Variants in RPH3A observed in about 807,000 individuals in gnomAD.
RPH3A encodes the protein rabphilin-3A.
In RPH3A, 48 loss-of-function variants were observed where a neutral mutation model predicts 102.2. That is an observed-to-expected ratio of 0.47 (90% confidence interval 0.37 to 0.60). The LOEUF (loss-of-function observed/expected upper bound fraction) is 0.60. Ranked by LOEUF, RPH3A falls within the 20% of genes least tolerant of loss-of-function variation. RPH3A has a pLI of 0.00. For missense variants in RPH3A, 781 were observed against 910.1 expected (o/e 0.86, Z 1.83); for synonymous variants, 310 against 324.3 (o/e 0.96, Z 0.47).
chr12:112,772,113 A>G (rs1355568036), intron 1 of RPH3A, among the ~76,000 whole-genome samples: 1 of 152,148 alleles, frequency 6.6e-6, no homozygotes, highest in Non-Finnish European at 1.5e-5. Context: ...AAATTCCTTA[A>G]GCCCTCTCTT....
At chr12:112,786,618 G>A (rs1228972583) in intron 1 of RPH3A, among the ~76,000 whole-genome samples, 1 of 152,212 alleles carries the variant, frequency 6.6e-6, no homozygotes, top group East Asian at 1.9e-4. Flanking sequence ...TCAGGCTAAA[G>A]CTTTGAGCAT....
In RPH3A at chr12:112,869,802, G is replaced by A. The variant is rs1435864912; in HGVS notation, c.649+5G>A. On this transcript the variant is annotated splice_donor_5th_base_variant and intron_variant, in intron 9 of 21. Coordinates refer to ENST00000389385, the MANE Select transcript of RPH3A (RefSeq NM_001143854.2). ...GGGGCCCGGGTCAGAAGACAGGTGG[G>A]TTCTGCTGACTCTGTTTTGTCATTT... is the stretch of plus-strand genomic sequence containing the variant. The A allele has an allele frequency of 6.2e-7, 1 of 1,614,116 alleles. No homozygotes were observed. Among genetic ancestry groups the A allele is most frequent in the East Asian group, 2.2e-5 (1 of 44,878 alleles).
At chr12:112,640,185 C>T (rs543374709) in intron 1 of RPH3A, among the ~76,000 whole-genome samples, 24 of 151,224 alleles carry the variant, frequency 1.6e-4, no homozygotes, top group Middle Eastern at 3.4e-3. Flanking sequence ...ATCAGCCGGG[C>T]GTGGTGGCAC....
chr12:112,878,310 G>A (rs1351196535), intron 13 of RPH3A, among the ~76,000 whole-genome samples: 1 of 152,144 alleles, frequency 6.6e-6, no homozygotes, highest in Non-Finnish European at 1.5e-5. Flanking sequence ...GCATAGATGA[G>A]TCCTCCCAGC....
At chr12:112,603,596 A>G (rs1329708669) in intron 1 of RPH3A, among the ~76,000 whole-genome samples, 3 of 152,262 alleles carry the variant, frequency 2.0e-5, no homozygotes, top group African/African-American at 7.2e-5. Flanking sequence ...TTTCTTAATT[A>G]CTATATTTTG....
At chr12:112,746,637 T>A (rs2040748660) in intron 1 of RPH3A, among the ~76,000 whole-genome samples, 10 of 152,140 alleles carry the variant, frequency 6.6e-5, no homozygotes. Context: ...CGAACATCTG[T>A]CTCTTGTGTA....
intron 1 of RPH3A, among the ~76,000 whole-genome samples, chr12:112,716,504 C>T (rs1463825615): frequency 6.6e-6 from 1 of 152,188 alleles, no homozygotes; most frequent in Non-Finnish European, 1.5e-5. Flanking sequence ...AGGATGGATG[C>T]CTCTGCTATC....
intron 11 of RPH3A, 74 bp downstream of exon 11, chr12:112,875,244 T>TC: frequency 1.7e-6 from 2 of 1,159,058 alleles, no homozygotes; most frequent in Non-Finnish European, 2.4e-6. Flanking sequence ...CCATCCCTGC[T>TC]TGCAGAGCAT....
At chr12:112,776,308 A>AC (rs775068392) in intron 1 of RPH3A, among the ~76,000 whole-genome samples, 2 of 151,012 alleles carry the variant, frequency 1.3e-5, no homozygotes, top group African/African-American at 2.4e-5. Context: ...ACTACAAAAA[A>AC]CCCCCCCATA....
At chr12:112,676,718 G>A (rs780320525) in intron 1 of RPH3A, among the ~76,000 whole-genome samples, 4 of 152,116 alleles carry the variant, frequency 2.6e-5, no homozygotes, top group Admixed American at 6.5e-5. Flanking sequence ...CTTGGAGAAT[G>A]CCAGGCCCGT....
chr12:112,878,045 A>G (rs1333829175), intron 13 of RPH3A, among the ~76,000 whole-genome samples: 1 of 152,200 alleles, frequency 6.6e-6, no homozygotes, highest in Non-Finnish European at 1.5e-5. Flanking sequence ...GGTCAATCAC[A>G]CAGCTGTAGC....
At chr12:112,854,381 T>C (rs1430234726) in intron 5 of RPH3A, among the ~76,000 whole-genome samples, 1 of 152,268 alleles carries the variant, frequency 6.6e-6, no homozygotes, top group Non-Finnish European at 1.5e-5. Context: ...ACAACTCTTA[T>C]TGGCATCATG....
intron 1 of RPH3A, among the ~76,000 whole-genome samples, chr12:112,695,565 C>T (rs372246434): frequency 2.2e-4 from 33 of 152,326 alleles, no homozygotes; most frequent in African/African-American, 7.5e-4. Flanking sequence ...CCTCTGGGTA[C>T]CAGCCTGACT....
intron 3 of RPH3A, among the ~76,000 whole-genome samples, chr12:112,830,883 T>C (rs1255903256): frequency 6.6e-6 from 1 of 152,098 alleles, no homozygotes; most frequent in African/African-American, 2.4e-5. Context: ...CAGATTTTGT[T>C]TCTTTTGTTG....
At chr12:112,727,409 AT>A (rs2040599204) in intron 1 of RPH3A, among the ~76,000 whole-genome samples, 3 of 138,912 alleles carry the variant, frequency 2.2e-5, no homozygotes, top group Non-Finnish European at 4.6e-5. Flanking sequence ...AAAAAAAAAT[AT>A]ATATATATAT....
chr12:112,755,774 G>A (rs530617783), intron 1 of RPH3A, among the ~76,000 whole-genome samples: 50 of 152,106 alleles, frequency 3.3e-4, no homozygotes, highest in Non-Finnish European at 6.6e-4. Flanking sequence ...GCTATCAGCA[G>A]AGCCCCAACT....
At chr12:112,823,299 C>T (rs11066426) in intron 2 of RPH3A, among the ~76,000 whole-genome samples, 5,342 of 152,308 alleles carry the variant, frequency 0.035, 183 homozygotes, top group East Asian at 0.17. Flanking sequence ...GGTCCAAACC[C>T]CAGTTCTGCT....
At chr12:112,892,067 C>T (rs974950184) in intron 19 of RPH3A, among the ~76,000 whole-genome samples, 2 of 152,180 alleles carry the variant, frequency 1.3e-5, no homozygotes, top group African/African-American at 2.4e-5. Context: ...CAAACAGAAT[C>T]GAGCCTGGTA....
chr12:112,874,683 G>A lies in RPH3A; in HGVS notation c.797-401G>A, dbSNP rs149071899. The A allele has an allele frequency of 2.2e-3, 359 of 164,302 alleles. 1 individual carries two copies. Among genetic ancestry groups the A allele is most frequent in the African/African-American group, 8.1e-3 (342 of 41,976 alleles). The allele number at this position is 164,302 out of a possible 1,614,324, so 10.2% of individuals were successfully genotyped here. ...ATAATCTCACCACCTGTCATGTGTC[G>A]AGTCTTTAGTACATGCCAAGCACTG... On this transcript the variant is annotated intron_variant, in intron 10 of 21. Coordinates refer to ENST00000389385, the MANE Select transcript of RPH3A (RefSeq NM_001143854.2).
Sources: gnomAD v4.1 joint callset for allele counts (sites outside exome capture counted in the v4.1 genomes callset) on GRCh38, gnomAD v4.1.1 for gene constraint, MANE v1.5 for transcripts, NCBI Gene and HGNC (gene_info 2026-07-23, HGNC 2026-07-21) for gene names.